PRKCE: variants seen among roughly 807,000 people sequenced by gnomAD.
PRKCE encodes protein kinase C epsilon type.
A neutral mutation model predicts 85.4 loss-of-function variants in PRKCE; 16 were observed. That is an observed-to-expected ratio of 0.19 (90% CI 0.13 to 0.28). The LOEUF (loss-of-function observed/expected upper bound fraction) is 0.28, where lower values mean the gene tolerates loss of function less well. PRKCE is among the 10% of genes least tolerant of loss of function. PRKCE has a pLI of 1.00. For missense variants in PRKCE, 573 were observed against 975.2 expected, an observed-to-expected ratio of 0.59 and a Z score of 5.49; for synonymous variants, 388 against 371.5, an observed-to-expected ratio of 1.04 and a Z score of -0.51.
chr2:45,765,015 C>T (rs1684800730), intron 1 of PRKCE, among the ~76,000 whole-genome samples: 1 of 152,146 alleles, frequency 6.6e-6, no homozygotes, highest in African/African-American at 2.4e-5. Context: ...GAACCATAGC[C>T]TTCCTCCCTG....
At chr2:45,746,134 G>A (rs965576297) in intron 1 of PRKCE, among the ~76,000 whole-genome samples, 5 of 151,908 alleles carry the variant, frequency 3.3e-5, no homozygotes, top group South Asian at 2.1e-4. Flanking sequence ...TCCCTCCTTC[G>A]TTGTTTTGCT....
At chr2:45,731,455 A>T (rs1425479327) in intron 1 of PRKCE, among the ~76,000 whole-genome samples, 3 of 152,068 alleles carry the variant, frequency 2.0e-5, no homozygotes, top group Admixed American at 2.0e-4. Flanking sequence ...TCATTTACTG[A>T]GTCTCTTCAG....
chr2:45,701,170 G>A (rs980280358), intron 1 of PRKCE, among the ~76,000 whole-genome samples: 1 of 152,168 alleles, frequency 6.6e-6, no homozygotes, highest in African/African-American at 2.4e-5. Context: ...CCTAGAACAA[G>A]GCCAGGAACA....
intron 1 of PRKCE, among the ~76,000 whole-genome samples, chr2:45,754,933 T>C (rs1045948526): frequency 1.3e-5 from 2 of 152,306 alleles, no homozygotes; most frequent in Admixed American, 6.5e-5. Flanking sequence ...AGAGACCTGA[T>C]TGTCAGGGGC....
chr2:46,170,671 A>G (rs1247631176), intron 14 of PRKCE, among the ~76,000 whole-genome samples: 1 of 152,206 alleles, frequency 6.6e-6, no homozygotes, highest in African/African-American at 2.4e-5. Context: ...CAGTTCCAGT[A>G]TATGCCCGGG....
intron 1 of PRKCE, among the ~76,000 whole-genome samples, chr2:45,712,095 G>C (rs953027336): frequency 2.9e-5 from 4 of 137,544 alleles, no homozygotes; most frequent in Admixed American, 2.3e-4. Flanking sequence ...GCCCTCAGGT[G>C]TTCCTGTTGA....
intron 2 of PRKCE, among the ~76,000 whole-genome samples, chr2:45,849,179 G>T (rs572604838): frequency 2.8e-3 from 425 of 152,330 alleles, no homozygotes; most frequent in Non-Finnish European, 4.2e-3. Flanking sequence ...ATTGAAGGCA[G>T]TTCCTTCTGG....
At chr2:45,982,150 C>T (rs140011563) in intron 5 of PRKCE, among the ~76,000 whole-genome samples, 210 of 152,344 alleles carry the variant, frequency 1.4e-3, no homozygotes, top group Middle Eastern at 3.4e-3. Flanking sequence ...TGGCTCTCCC[C>T]GCCACCACCT....
At chr2:45,811,317 G>T (rs1019903768) in intron 1 of PRKCE, among the ~76,000 whole-genome samples, 11 of 152,190 alleles carry the variant, frequency 7.2e-5, no homozygotes, top group African/African-American at 2.4e-4. Context: ...CAAAGAAGGA[G>T]GCAGCTGCCT....
In PRKCE at chr2:46,159,947, A is replaced by G; in HGVS notation, c.2067+195A>G. The G allele has an allele frequency of 1.8e-6, 1 of 569,996 alleles. No individual in the cohort carries two copies. The highest frequency in any genetic ancestry group is 2.9e-6 in the Non-Finnish European group (1 of 343,720). 35.3% of individuals were successfully genotyped at this position (569,996 alleles called of 1,614,324 possible). A position where few individuals can be genotyped will look rare whatever the true frequency, so the allele number is the denominator to read the frequency against. On this transcript the variant is annotated intron_variant, in intron 14 of 14. Coordinates refer to ENST00000306156, the MANE Select transcript of PRKCE (RefSeq NM_005400.3). The surrounding 1 kb of genome is among the most constrained non-coding windows in gnomAD (Gnocchi z 4.1). ...GTTTACTATTGAAAACATGTAACCTACTACAGCAGCACCCAAGATGATGAT... is the reference window on the plus strand; with the variant it reads ...GTTTACTATTGAAAACATGTAACCTGCTACAGCAGCACCCAAGATGATGAT...
At chr2:45,759,650 G>A (rs1353431636) in intron 1 of PRKCE, among the ~76,000 whole-genome samples, 1 of 152,206 alleles carries the variant, frequency 6.6e-6, no homozygotes. Context: ...ACTCTTTGAT[G>A]TAAGTATAGA....
intron 2 of PRKCE, among the ~76,000 whole-genome samples, chr2:45,876,776 A>G (rs1029226739): frequency 1.3e-5 from 2 of 152,260 alleles, no homozygotes; most frequent in Admixed American, 6.5e-5. Context: ...ATACTGTTAG[A>G]TTTAAAATCC....
At chr2:45,838,070 T>C (rs566069090) in intron 1 of PRKCE, among the ~76,000 whole-genome samples, 1 of 152,296 alleles carries the variant, frequency 6.6e-6, no homozygotes, top group Admixed American at 6.5e-5. Flanking sequence ...CTAATTCACA[T>C]GAGAGGCACT....
chr2:46,000,690 A>T (rs1704607233), intron 6 of PRKCE, among the ~76,000 whole-genome samples: 2 of 152,106 alleles, frequency 1.3e-5, no homozygotes, highest in Non-Finnish European at 1.5e-5. Context: ...TATCAACTCA[A>T]CGACTGGGTC....
chr2:46,092,467 C>T (rs914108577), intron 11 of PRKCE, among the ~76,000 whole-genome samples: 2 of 152,138 alleles, frequency 1.3e-5, no homozygotes, highest in African/African-American at 4.8e-5. Context: ...GGTGCCTCTG[C>T]CTTGGCCAAG....
chr2:45,898,204 T>C (rs988944028), intron 2 of PRKCE, among the ~76,000 whole-genome samples: 1 of 152,234 alleles, frequency 6.6e-6, no homozygotes, highest in African/African-American at 2.4e-5. Flanking sequence ...ATTTATTCAT[T>C]AGAGGCGAGT....
chr2:46,154,880 G>A (rs545212671), intron 13 of PRKCE, among the ~76,000 whole-genome samples: 1 of 152,060 alleles, frequency 6.6e-6, no homozygotes, highest in East Asian at 1.9e-4. Flanking sequence ...CCTTCCACAA[G>A]ACTGAGCTTC....
At chr2:45,867,446 G>A (rs1267501246) in intron 2 of PRKCE, among the ~76,000 whole-genome samples, 1 of 152,216 alleles carries the variant, frequency 6.6e-6, no homozygotes, top group African/African-American at 2.4e-5. Flanking sequence ...GCAACCCTAT[G>A]TTGGAGCCTC....
chr2:46,011,000 CA>C, intron 10 of PRKCE: 1 of 1,314,576 alleles, frequency 7.6e-7, no homozygotes, highest in East Asian at 2.8e-5. Context: ...TATAAGGCAG[CA>C]TTTTTAATTT....
Sources: gnomAD v4.1 joint callset for allele counts (sites outside exome capture counted in the v4.1 genomes callset) on GRCh38, gnomAD v4.1.1 for gene constraint, Gnocchi (gnomAD v3.1) non-coding constraint, MANE v1.5 for transcripts, NCBI Gene and HGNC (gene_info 2026-07-23, HGNC 2026-07-21) for gene names.